The following ACOT1 variants were observed in gnomAD, a reference collection of about 807,000 sequenced individuals.
ACOT1 encodes acyl-CoA thioesterase 1, also known as acyl-coenzyme A thioesterase 1.
In ACOT1, 8 loss-of-function variants were observed where a neutral mutation model predicts 15.7. The observed-to-expected ratio is 0.51, with a 90% confidence interval of 0.30 to 0.92. The LOEUF (loss-of-function observed/expected upper bound fraction) is 0.92, where lower values mean the gene tolerates loss of function less well. Ranked by LOEUF, ACOT1 falls within the 40% of genes least tolerant of loss-of-function variation. The pLI is 0.06. For missense variants in ACOT1, 151 were observed against 539.4 expected, an observed-to-expected ratio of 0.28 and a Z score of 7.13; for synonymous variants, 67 against 241.2, an observed-to-expected ratio of 0.28 and a Z score of 6.69.
chr14:73,500,450 T>G, the ACOT1 span: 1 of 1,280,862 alleles, frequency 7.8e-7, no homozygotes. Context: ...TCTCTCATTC[T>G]GTGTCCCCAC....
chr14:73,514,816 C>G, the ACOT1 span, among the ~76,000 whole-genome samples: 2 of 152,092 alleles, frequency 1.3e-5, no homozygotes, highest in Admixed American at 1.3e-4. Context: ...TGCCTGTAAT[C>G]CCAGTACTTT....
the ACOT1 span, among the ~76,000 whole-genome samples, chr14:73,525,681 G>A: frequency 2.6e-5 from 4 of 152,122 alleles, no homozygotes; most frequent in Admixed American, 1.3e-4. Flanking sequence ...GGCCGGATGC[G>A]GTGGCTCACG....
At chr14:73,541,052 T>C (rs11627927) in intron 1 of ACOT1, among the ~76,000 whole-genome samples, 89 of 109,066 alleles carry the variant, frequency 8.2e-4, no homozygotes, top group African/African-American at 2.4e-3. Flanking sequence ...TGCATTATTA[T>C]TCTTTAATTT....
chr14:73,525,589 C>T, the ACOT1 span, among the ~76,000 whole-genome samples: 5 of 152,138 alleles, frequency 3.3e-5, no homozygotes, highest in South Asian at 2.1e-4. Context: ...TAGAGCAAGA[C>T]GGCCAAACAG....
At chr14:73,504,436 G>T in the ACOT1 span, among the ~76,000 whole-genome samples, 1 of 152,012 alleles carries the variant, frequency 6.6e-6, no homozygotes, top group Non-Finnish European at 1.5e-5. Context: ...TAGAGACAGG[G>T]TTTCACCGTG....
At chr14:73,520,947 T>C in the ACOT1 span, 1 of 1,613,982 alleles carries the variant, frequency 6.2e-7, no homozygotes, top group Non-Finnish European at 8.5e-7. Context: ...GGTTTGGGGC[T>C]GGGAGAGGCT....
the ACOT1 span, among the ~76,000 whole-genome samples, chr14:73,510,787 A>G: frequency 6.6e-6 from 1 of 152,168 alleles, no homozygotes; most frequent in African/African-American, 2.4e-5. Flanking sequence ...TCTTGGGGAC[A>G]GCACAGGAGC....
At chr14:73,495,487 G>A in the ACOT1 span, 1 of 984,266 alleles carries the variant, frequency 1.0e-6, no homozygotes, top group Non-Finnish European at 1.5e-6. Flanking sequence ...GGAGGCTGAG[G>A]AGGGAGGATC....
chr14:73,502,391 C>T, the ACOT1 span, among the ~76,000 whole-genome samples: 1 of 152,120 alleles, frequency 6.6e-6, no homozygotes, highest in Non-Finnish European at 1.5e-5. Context: ...CACCCTCCAG[C>T]ACCGAAACCA....
At chr14:73,524,852 C>T in the ACOT1 span, among the ~76,000 whole-genome samples, 24 of 152,120 alleles carry the variant, frequency 1.6e-4, no homozygotes, top group African/African-American at 4.6e-4. Context: ...AACTCCTGCC[C>T]GGTGTCCAAG....
the ACOT1 span, among the ~76,000 whole-genome samples, chr14:73,518,507 TAG>T: frequency 2.0e-5 from 3 of 151,856 alleles, no homozygotes; most frequent in Non-Finnish European, 4.4e-5. Flanking sequence ...TCATGGGAAA[TAG>T]AGTCTTGTGG....
At chr14:73,540,309 A>G (rs1170494208) in intron 1 of ACOT1, among the ~76,000 whole-genome samples, 2 of 151,190 alleles carry the variant, frequency 1.3e-5, no homozygotes, top group Non-Finnish European at 3.0e-5. Flanking sequence ...AGCAAAGTCA[A>G]CTGGAAACAG....
the ACOT1 span, chr14:73,495,428 A>C: frequency 1.7e-4 from 268 of 1,535,998 alleles, no homozygotes; most frequent in East Asian, 8.8e-4. Flanking sequence ...AAAACAAAAC[A>C]CCTGTACTAG....
At chr14:73,495,485 AGGAG>A in the ACOT1 span, 1 of 987,670 alleles carries the variant, frequency 1.0e-6, no homozygotes, top group Non-Finnish European at 1.5e-6. Flanking sequence ...TAGGAGGCTG[AGGAG>A]GGAGGATCAC....
the ACOT1 span, chr14:73,499,197 A>G: frequency 6.7e-7 from 1 of 1,482,334 alleles, no homozygotes; most frequent in Non-Finnish European, 9.4e-7. Context: ...TGAACCAGAA[A>G]CAGCTGGGTG....
At chr14:73,491,485 G>T in the ACOT1 span, 4 of 1,499,550 alleles carry the variant, frequency 2.7e-6, no homozygotes, top group Non-Finnish European at 3.5e-6. Flanking sequence ...AACACTTAGC[G>T]GCCGTCCAGT....
chr14:73,518,049 G>A, the ACOT1 span, among the ~76,000 whole-genome samples: 9 of 152,152 alleles, frequency 5.9e-5, no homozygotes, highest in Non-Finnish European at 1.2e-4. Context: ...TCACGCCACC[G>A]CACTCCAGCC....
chr14:73,498,374 G>A, the ACOT1 span: 2 of 1,545,406 alleles, frequency 1.3e-6, no homozygotes, highest in Non-Finnish European at 1.8e-6. Context: ...GCATGTCACT[G>A]AAGACTGAGC....
chr14:73,509,485 AG>A, the ACOT1 span: 1 of 1,613,224 alleles, frequency 6.2e-7, no homozygotes, highest in Admixed American at 1.7e-5. Context: ...TGTGATCAAA[AG>A]AGCCAGGTAA....
Sources: allele counts gnomAD v4.1 joint callset (sites outside exome capture counted in the v4.1 genomes callset), GRCh38; gene constraint gnomAD v4.1.1; transcripts MANE v1.5; gene names NCBI Gene and HGNC (gene_info 2026-07-23, HGNC 2026-07-21).